The following LIPT1 variants were observed in gnomAD, a reference collection of about 807,000 sequenced individuals.
The protein encoded by LIPT1 is lipoyl amidotransferase LIPT1, mitochondrial.
LIPT1 carries 22 observed loss-of-function variants against 25.1 expected under a neutral mutation model. That is an observed-to-expected ratio of 0.88 (90% CI 0.63 to 1.25). The LOEUF is 1.25. Ranked by LOEUF, LIPT1 falls within the 50% of genes most tolerant of loss-of-function variation. LIPT1 has a pLI of 0.00. For missense variants in LIPT1, 399 were observed against 432.8 expected (o/e 0.92, Z 0.69); for synonymous variants, 131 against 150.8 (o/e 0.87, Z 0.96).
intron 1 of LIPT1, among the ~76,000 whole-genome samples, chr2:99,157,829 A>G (rs1314554294): frequency 1.3e-5 from 2 of 152,128 alleles, no homozygotes; most frequent in African/African-American, 4.8e-5. Context: ...GTTACCATCC[A>G]TTGAGCTCTG....
chr2:99,157,859 A>G (rs919587643), intron 1 of LIPT1, among the ~76,000 whole-genome samples: 7 of 152,290 alleles, frequency 4.6e-5, no homozygotes, highest in Middle Eastern at 3.4e-3. Context: ...CCGCTAGTTC[A>G]ACAGTCAAAA....
chr2:99,157,501 A>G (rs2093763189), intron 1 of LIPT1, among the ~76,000 whole-genome samples: 1 of 152,210 alleles, frequency 6.6e-6, no homozygotes, highest in South Asian at 2.1e-4. Flanking sequence ...CCCTCATTGT[A>G]TCCACCTTGG....
chr2:99,155,020 C>T lies in LIPT1; in HGVS notation c.-33C>T. On this transcript the variant is annotated 5_prime_UTR_variant, in exon 1 of 2. Transcript: ENST00000651691. ...GACGCACTTTTCCAGCTCGAGCCCT[C>T]ACGAGGCCGTGGGTACGACCGGAAG... 2.2e-6 allele frequency: 1 copy of T among 456,020 alleles called. No homozygotes were observed. The highest frequency in any genetic ancestry group is 4.4e-6 in the Non-Finnish European group (1 of 226,788). The allele number at this position is 456,020 out of a possible 1,614,324, so 28.2% of individuals were successfully genotyped here. A position where few individuals can be genotyped will look rare whatever the true frequency, so the allele number is the denominator to read the frequency against.
At position 99,162,466 on chromosome 2, in the gene LIPT1, G is replaced by C; in HGVS notation, c.509G>C (p.Gly170Ala). The change falls in exon 2 of 2, where the codon GGC becomes GCC. Residue 170 changes from glycine (G) to alanine (A), a missense_variant. Gly to Ala is a moderately conservative substitution (Grantham distance 60, BLOSUM62 0). Transcript: ENST00000651691. ...ATCTCAGGAACAGCTTCTAAGATCG[G>C]CCGGACTACTGCCTATCACCATTGC... The part of the protein sequence containing the change: ...FKISGTASKI[G>A]RTTAYHHCTL... 3 of 1,613,984 alleles carry C rather than the reference G, an allele frequency of 1.9e-6. No homozygotes were observed. The highest frequency in any genetic ancestry group is 2.5e-6 in the Non-Finnish European group (3 of 1,180,024).
At position 99,162,317 on chromosome 2, in the gene LIPT1, C is replaced by CA. The variant is rs780042765; in HGVS notation, c.368dup (p.Tyr124ValfsTer2). 5.6e-6 allele frequency: 9 copies of CA among 1,610,166 alleles called. No homozygotes were observed. Among genetic ancestry groups the CA allele is most frequent in the Non-Finnish European group, 6.8e-6 (8 of 1,178,708 alleles). ...ATATCAATTTGACTTTCTTTACAAC[C>CA]AAAAAAAAGTATGATAGAATGGAAA... On this transcript the variant is annotated frameshift_variant, in exon 2 of 2. Transcript: ENST00000651691. LOFTEE classifies it high-confidence loss of function.
At position 99,162,643 on chromosome 2, in the gene LIPT1, A is replaced by G; in HGVS notation, c.686A>G (p.Asn229Ser). The G allele has an allele frequency of 6.2e-7, 1 of 1,614,144 alleles. No individual in the cohort carries two copies. The highest frequency in any genetic ancestry group is 8.5e-7 in the Non-Finnish European group (1 of 1,179,994). ...ACTCTGACCTGTGAAGTACTAATGAATGCTGTTGCTACAGAGTATGCTGCT... is the reference window on the plus strand; with the variant it reads ...ACTCTGACCTGTGAAGTACTAATGAGTGCTGTTGCTACAGAGTATGCTGCT... The part of the protein sequence containing the change: ...DPTLTCEVLM[N>S]AVATEYAAYH... The change falls in exon 2 of 2, where the codon AAT becomes AGT. Residue 229 changes from asparagine (N) to serine (S), a missense_variant. Coordinates refer to ENST00000651691, the MANE Select transcript of LIPT1 (RefSeq NM_145199.3).
chr2:99,155,286 A>G (rs1448993448), intron 1 of LIPT1: 4 of 366,188 alleles, frequency 1.1e-5, no homozygotes, highest in Non-Finnish European at 2.2e-5. Flanking sequence ...ATCGTAAAAC[A>G]TGTTGGACGC....
chr2:99,156,007 T>C (rs535525933), intron 1 of LIPT1, among the ~76,000 whole-genome samples: 3 of 152,368 alleles, frequency 2.0e-5, no homozygotes, highest in East Asian at 1.9e-4. Flanking sequence ...GTTCTCTTTG[T>C]AAATCAATAA....
At chr2:99,155,522 G>A (rs1156481760) in intron 1 of LIPT1, 1 of 455,762 alleles carries the variant, frequency 2.2e-6, no homozygotes, top group African/African-American at 2.0e-5. Flanking sequence ...CAGAGGTAGC[G>A]AAGTGTCCCA....
At chr2:99,161,337 T>A in intron 1 of LIPT1, 2 of 104,842 alleles carry the variant, frequency 1.9e-5, no homozygotes, top group African/African-American at 4.0e-5. Context: ...TATATATATA[T>A]AGATTGAATG....
In LIPT1 at chr2:99,161,971, T is replaced by C; in HGVS notation, c.14T>C (p.Phe5Ser). Residue 5 changes from phenylalanine (F) to serine (S), a missense_variant, in exon 2 of 2, where the codon TTT becomes TCT. Transcript: ENST00000651691. MLIP[F>S]SMKNCFQLLC... Reference sequence around the variant, plus strand: ...ATTTTTAAAAGCATGCTGATCCCATTTTCAATGAAGAATTGCTTCCAGTTA... The same window carrying C: ...ATTTTTAAAAGCATGCTGATCCCATCTTCAATGAAGAATTGCTTCCAGTTA... The C allele has an allele frequency of 2.5e-6, 4 of 1,598,294 alleles. No homozygotes were observed. The highest frequency in any genetic ancestry group is 3.4e-6 in the Non-Finnish European group (4 of 1,170,862).
rs1574811318 is a variant in LIPT1, at chr2:99,162,109, T to G, written c.152T>G (p.Ile51Ser). 3 of 1,614,066 alleles carry G rather than the reference T, an allele frequency of 1.9e-6. No homozygotes were observed. The highest frequency in any genetic ancestry group is 2.7e-5 in the African/African-American group (2 of 74,922). The change falls in exon 2 of 2, where the codon ATC (isoleucine) becomes AGC (serine). Residue 51 changes from isoleucine to serine, a missense_variant. Physicochemically the swap from Ile to Ser is moderately radical, Grantham distance 142. Coordinates refer to ENST00000651691, the MANE Select transcript of LIPT1 (RefSeq NM_145199.3). ...CAAAATCTGGCTGTGGAAGACTGGA[T>G]CCATGACCATATGAATCTAGAAGGC... ...VYQNLAVEDW[I>S]HDHMNLEGKP...
intron 1 of LIPT1, among the ~76,000 whole-genome samples, chr2:99,159,797 A>G (rs2093774670): frequency 1.3e-5 from 2 of 152,198 alleles, no homozygotes; most frequent in Admixed American, 1.3e-4. Context: ...CTAGGACAGT[A>G]TAGCCATAGG....
intron 1 of LIPT1, among the ~76,000 whole-genome samples, chr2:99,157,007 C>T (rs1367071411): frequency 6.6e-6 from 1 of 152,216 alleles, no homozygotes; most frequent in East Asian, 1.9e-4. Context: ...ACATGAATGG[C>T]TTATGCATAT....
rs753140051 is a variant in LIPT1, at chr2:99,162,515, G to A, written c.558G>A (p.Gly186=). 22 of 1,614,004 alleles carry A rather than the reference G, an allele frequency of 1.4e-5. No homozygotes were observed. Among genetic ancestry groups the A allele is most frequent in the Non-Finnish European group, 1.7e-6 (2 of 1,180,018 alleles). ...HHCTLLCSTD[G]TFLSSLLKSP... ...GCACTTTATTATGTAGTACTGATGG[G>A]ACGTTCTTGTCTTCTTTGCTAAAGA... Residue 186 remains glycine, a synonymous_variant, in exon 2 of 2, where the codon GGG becomes GGA. Coordinates refer to ENST00000651691, the MANE Select transcript of LIPT1 (RefSeq NM_145199.3).
At chr2:99,158,849 A>T (rs1451363241) in intron 1 of LIPT1, among the ~76,000 whole-genome samples, 1 of 152,162 alleles carries the variant, frequency 6.6e-6, no homozygotes, top group Admixed American at 6.5e-5. Flanking sequence ...TATTTTAATT[A>T]TTGCCTTACT....
At chr2:99,160,271 G>C (rs146776359) in intron 1 of LIPT1, among the ~76,000 whole-genome samples, 11 of 152,148 alleles carry the variant, frequency 7.2e-5, no homozygotes, top group African/African-American at 2.7e-4. Context: ...AGCCAGGCAT[G>C]GTGGCGCATA....
chr2:99,161,294 ATATATATAT>A, intron 1 of LIPT1: 1 of 14,756 alleles, frequency 6.8e-5, no homozygotes, highest in South Asian at 2.7e-3. Flanking sequence ...AAAAAAAAAT[ATATATATAT>A]ATATATATAT....
chr2:99,161,990 C>T lies in LIPT1; in HGVS notation c.33C>T (p.Phe11=). Residue 11 remains phenylalanine (F), a synonymous_variant, in exon 2 of 2, where the codon TTC becomes TTT. Transcript: ENST00000651691. ...TCCCATTTTCAATGAAGAATTGCTTCCAGTTACTTTGTAACTGCCAGGTCC... is the reference window on the plus strand; with the variant it reads ...TCCCATTTTCAATGAAGAATTGCTTTCAGTTACTTTGTAACTGCCAGGTCC... MLIPFSMKNC[F]QLLCNCQVPA... 1.2e-6 allele frequency: 2 copies of T among 1,608,372 alleles called. No individual in the cohort carries two copies. Among genetic ancestry groups the T allele is most frequent in the South Asian group, 2.2e-5 (2 of 90,602 alleles).
Sources: allele counts gnomAD v4.1 joint callset (sites outside exome capture counted in the v4.1 genomes callset), GRCh38; gene constraint gnomAD v4.1.1; transcripts MANE v1.5; gene names NCBI Gene and HGNC (gene_info 2026-07-23, HGNC 2026-07-21).